ANGPT1: variants seen among roughly 807,000 people sequenced by gnomAD.
ANGPT1 encodes the protein angiopoietin-1.
Under a neutral mutation model 62.2 loss-of-function variants are expected in ANGPT1, and 17 were observed. The ratio of observed to expected loss-of-function variants is 0.27; its 90% confidence interval spans 0.19 to 0.41. The LOEUF is 0.41. Among genes scored for constraint, ANGPT1 ranks in the 10% least tolerant of loss-of-function variants. ANGPT1 has a pLI of 1.00. For missense variants in ANGPT1, 478 were observed against 594.9 expected (o/e 0.80, Z 2.04); for synonymous variants, 199 against 198.9 (o/e 1.00, Z 0.00).
At chr8:107,418,787 T>C (rs572427458) in intron 1 of ANGPT1, among the ~76,000 whole-genome samples, 6 of 152,306 alleles carry the variant, frequency 3.9e-5, no homozygotes, top group South Asian at 2.1e-4. Flanking sequence ...GGAATCCCAG[T>C]TGGGGCCAGC....
At chr8:107,475,272 A>G (rs1219411632) in intron 1 of ANGPT1, among the ~76,000 whole-genome samples, 3 of 152,242 alleles carry the variant, frequency 2.0e-5, no homozygotes, top group Non-Finnish European at 4.4e-5. Context: ...GCCCACAGAA[A>G]TAATACCACA....
At chr8:107,309,097 A>G (rs528617546) in intron 4 of ANGPT1, among the ~76,000 whole-genome samples, 8 of 152,312 alleles carry the variant, frequency 5.3e-5, no homozygotes, top group African/African-American at 1.2e-4. Flanking sequence ...TTGCTACCAG[A>G]GACAGTGTAA....
chr8:107,486,826 A>G (rs1326313214), intron 1 of ANGPT1, among the ~76,000 whole-genome samples: 1 of 152,178 alleles, frequency 6.6e-6, no homozygotes, highest in Non-Finnish European at 1.5e-5. Context: ...GTGGACACAA[A>G]CAATGTCCTT....
intron 2 of ANGPT1, among the ~76,000 whole-genome samples, chr8:107,337,242 CGG>C (rs1815588680): frequency 6.6e-6 from 1 of 152,186 alleles, no homozygotes; most frequent in Non-Finnish European, 1.5e-5. Context: ...ATTAAGGAGA[CGG>C]TGAGTCAAAC....
Position 107,293,998 on chromosome 8 carries a change from C to T in ANGPT1, c.976G>A (p.Val326Ile), listed in dbSNP as rs750301500. 6.2e-7 allele frequency: 1 copy of T among 1,613,606 alleles called. No individual in the cohort carries two copies. The highest frequency in any genetic ancestry group is 8.5e-7 in the Non-Finnish European group (1 of 1,179,788). Residue 326 changes from valine (V) to isoleucine (I), a missense_variant, in exon 6 of 9, where the codon GTA becomes ATA. Physicochemically the swap from Val to Ile is conservative, Grantham distance 29. Transcript: ENST00000517746. Reference protein sequence around the residue: ...NMDVNGGGWTVIQHREDGSLD... With the variant: ...NMDVNGGGWTIIQHREDGSLD... Reference sequence around the variant, plus strand: ...CTTCCATCTTCACGATGTTGTATTACAGTCCAACCTCCCCCATTGACATCC... The same window carrying T: ...CTTCCATCTTCACGATGTTGTATTATAGTCCAACCTCCCCCATTGACATCC...
At chr8:107,407,214 T>G (rs1302803957) in intron 1 of ANGPT1, among the ~76,000 whole-genome samples, 2 of 151,996 alleles carry the variant, frequency 1.3e-5, no homozygotes, top group Non-Finnish European at 2.9e-5. Flanking sequence ...ATACAAGCAT[T>G]TAAAAACACT....
intron 1 of ANGPT1, among the ~76,000 whole-genome samples, chr8:107,483,543 C>T (rs942242338): frequency 2.6e-5 from 4 of 151,978 alleles, no homozygotes; most frequent in African/African-American, 9.7e-5. Flanking sequence ...TCAGTGACTA[C>T]TTTTTTCATA....
At chr8:107,487,170 C>T (rs918658827) in intron 1 of ANGPT1, among the ~76,000 whole-genome samples, 4 of 152,238 alleles carry the variant, frequency 2.6e-5, no homozygotes, top group Middle Eastern at 3.4e-3. Context: ...CCTTCCCTGT[C>T]GTCCATCCTC....
At chr8:107,487,145 C>T (rs1304508127) in intron 1 of ANGPT1, among the ~76,000 whole-genome samples, 2 of 152,146 alleles carry the variant, frequency 1.3e-5, no homozygotes, top group Non-Finnish European at 2.9e-5. Flanking sequence ...AGTCACTGGT[C>T]TCTCTGTTCA....
chr8:107,276,333 A>G (rs1813865998), intron 7 of ANGPT1, among the ~76,000 whole-genome samples: 1 of 152,116 alleles, frequency 6.6e-6, no homozygotes, highest in African/African-American at 2.4e-5. Context: ...CTGCCAGGAG[A>G]TTTCCTACAT....
At chr8:107,426,567 TC>T (rs1811048023) in intron 1 of ANGPT1, among the ~76,000 whole-genome samples, 1 of 152,218 alleles carries the variant, frequency 6.6e-6, no homozygotes, top group South Asian at 2.1e-4. Flanking sequence ...TTTGTGTTTT[TC>T]CTTCCCCCCT....
intron 1 of ANGPT1, among the ~76,000 whole-genome samples, chr8:107,419,433 C>T (rs1369282159): frequency 6.6e-6 from 1 of 152,168 alleles, no homozygotes; most frequent in South Asian, 2.1e-4. Context: ...TTTGCTAGGT[C>T]CCCCCAGTTT....
intron 3 of ANGPT1, among the ~76,000 whole-genome samples, chr8:107,324,297 A>G (rs1464792800): frequency 6.6e-6 from 1 of 151,822 alleles, no homozygotes; most frequent in African/African-American, 2.4e-5. Context: ...TTCGTTGCAG[A>G]TGTAATTAGT....
chr8:107,260,035 C>G (rs1813456364), intron 8 of ANGPT1, among the ~76,000 whole-genome samples: 1 of 152,058 alleles, frequency 6.6e-6, no homozygotes, highest in African/African-American at 2.4e-5. Context: ...GAAACTTATG[C>G]TCTAGCCTGT....
At chr8:107,453,203 T>C (rs750589533) in intron 1 of ANGPT1, among the ~76,000 whole-genome samples, 37 of 152,108 alleles carry the variant, frequency 2.4e-4, no homozygotes, top group Non-Finnish European at 2.4e-4. Flanking sequence ...TTATTATTTT[T>C]ATTCCAGAAA....
At chr8:107,277,715 T>A (rs1030212664) in intron 7 of ANGPT1, among the ~76,000 whole-genome samples, 2 of 152,230 alleles carry the variant, frequency 1.3e-5, no homozygotes, top group African/African-American at 4.8e-5. Context: ...ATTTATTTAG[T>A]ATTCTTCTCA....
At chr8:107,372,855 G>A (rs1303549542) in intron 1 of ANGPT1, among the ~76,000 whole-genome samples, 1 of 151,388 alleles carries the variant, frequency 6.6e-6, no homozygotes. Flanking sequence ...GAAGACGTGA[G>A]CGTGACTAGA....
At position 107,351,371 on chromosome 8, in the gene ANGPT1, G is replaced by A. The variant is rs191297876; in HGVS notation, c.298-4274C>T. Reference sequence around the variant, plus strand: ...TCCATTTTATAGTTAGAAATCCGAGGCCTTCAGTGACTTCATAGAAATCAA... The same window carrying A: ...TCCATTTTATAGTTAGAAATCCGAGACCTTCAGTGACTTCATAGAAATCAA... On this transcript the variant is annotated intron_variant, in intron 1 of 8. Coordinates refer to ENST00000517746, the MANE Select transcript of ANGPT1 (RefSeq NM_001146.5). Among the ~76,000 whole-genome samples the A allele has an allele frequency of 3.9e-3, 598 of 152,096 alleles. 8 individuals are homozygous for A. Among genetic ancestry groups the A allele is most frequent in the African/African-American group, 0.012 (516 of 41,508 alleles).
intron 1 of ANGPT1, among the ~76,000 whole-genome samples, chr8:107,469,084 T>A (rs1471852046): frequency 6.6e-6 from 1 of 152,034 alleles, no homozygotes; most frequent in Non-Finnish European, 1.5e-5. Context: ...ATTCATTTAG[T>A]ACTTTTTCTT....
Sources: gnomAD v4.1 joint callset for allele counts (sites outside exome capture counted in the v4.1 genomes callset) on GRCh38, gnomAD v4.1.1 for gene constraint, MANE v1.5 for transcripts, NCBI Gene and HGNC (gene_info 2026-07-23, HGNC 2026-07-21) for gene names.